Variants in ARSG observed in about 807,000 individuals in gnomAD.
ARSG encodes ASG.
Under a neutral mutation model 50.5 loss-of-function variants are expected in ARSG, and 37 were observed. The ratio of observed to expected loss-of-function variants is 0.73; its 90% confidence interval spans 0.56 to 0.96. The LOEUF is 0.96. Among genes scored for constraint, ARSG ranks in the 50% least tolerant of loss-of-function variants. ARSG has a pLI of 0.00. For synonymous variants in ARSG, 225 were observed against 254.6 expected, an observed-to-expected ratio of 0.88 and a Z score of 1.11; for missense variants, 629 against 675.3, an observed-to-expected ratio of 0.93 and a Z score of 0.76.
intron 8 of ARSG, among the ~76,000 whole-genome samples, chr17:68,373,669 C>A (rs1268852354): frequency 6.6e-6 from 1 of 152,138 alleles, no homozygotes; most frequent in Admixed American, 6.6e-5. Context: ...CTCCCACTAA[C>A]CTTTTCAGTG....
chr17:68,424,925 G>C (rs766499346), downstream of ARSG, among the ~76,000 whole-genome samples: 1 of 152,212 alleles, frequency 6.6e-6, no homozygotes, highest in Non-Finnish European at 1.5e-5. Flanking sequence ...ATGATTTCAG[G>C]TTGACTATCT....
At chr17:68,387,079 TCACACACACACACACACACA>T (rs72320984) in intron 9 of ARSG, among the ~76,000 whole-genome samples, 1 of 146,298 alleles carries the variant, frequency 6.8e-6, no homozygotes, top group Non-Finnish European at 1.5e-5. Context: ...ATATAGTGTA[TCACACACACACACACACACA>T]CACACACACA....
intron 4 of ARSG, 108 bp from the exon 5 acceptor site, chr17:68,351,467 C>T: frequency 1.5e-6 from 1 of 682,732 alleles, no homozygotes; most frequent in South Asian, 1.6e-5. Flanking sequence ...TACTCTATAG[C>T]ACTGCAGTAT....
chr17:68,423,853 G>T (rs1266603100), downstream of ARSG, among the ~76,000 whole-genome samples: 4 of 152,162 alleles, frequency 2.6e-5, no homozygotes, highest in Non-Finnish European at 5.9e-5. The surrounding 1 kb of genome is among the most constrained non-coding windows in gnomAD (Gnocchi z 4.4). Flanking sequence ...GTAACTATAA[G>T]AGGTTGCAAG....
chr17:68,329,510 C>A (rs2077638002), intron 2 of ARSG, among the ~76,000 whole-genome samples: 1 of 152,200 alleles, frequency 6.6e-6, no homozygotes, highest in South Asian at 2.1e-4. Flanking sequence ...GCTCTGGTGC[C>A]TCGAGTTGCC....
At chr17:68,272,677 G>A in intron 1 of ARSG, 1 of 1,614,176 alleles carries the variant, frequency 6.2e-7, no homozygotes, top group Non-Finnish European at 8.5e-7. Flanking sequence ...TTCTCCTGTG[G>A]AAGCAACTGC....
At chr17:68,427,813 T>G in the ARSG span, among the ~76,000 whole-genome samples, 1 of 152,174 alleles carries the variant, frequency 6.6e-6, no homozygotes, top group Non-Finnish European at 1.5e-5. Flanking sequence ...TGGGGGGCGG[T>G]GGCAGCTCTG....
At chr17:68,262,638 G>T (rs1326850897) in intron 1 of ARSG, among the ~76,000 whole-genome samples, 1 of 152,168 alleles carries the variant, frequency 6.6e-6, no homozygotes, top group South Asian at 2.1e-4. Flanking sequence ...GGTGGGGGTG[G>T]CGTGTTCCAA....
At position 68,361,944 on chromosome 17, in the gene ARSG, AAAC is replaced by A. The variant is rs775024626; in HGVS notation, c.704+5155_704+5157del. ...AACCATGACAACAACAAACAAACAAAAACAACAACAACAACAAAACCCAAAAAA... is the reference window on the plus strand; with the variant it reads ...AACCATGACAACAACAAACAAACAAAAACAACAACAACAAAACCCAAAAAA... On this transcript the variant is annotated intron_variant, in intron 6 of 11. Transcript: ENST00000621439. Among the ~76,000 whole-genome samples the A allele has an allele frequency of 1.3e-3, 201 of 152,230 alleles. 2 individuals carry two copies. In the East Asian group the frequency reaches 0.029, roughly 22 times the overall value.
At chr17:68,339,308 A>T (rs1163230467) in intron 2 of ARSG, among the ~76,000 whole-genome samples, 2 of 152,124 alleles carry the variant, frequency 1.3e-5, no homozygotes, top group African/African-American at 4.8e-5. Flanking sequence ...AAAAAGAGAA[A>T]AATAAATAAA....
chr17:68,421,843 G>A, downstream of ARSG: 3 of 1,614,076 alleles, frequency 1.9e-6, no homozygotes, highest in East Asian at 4.5e-5. Flanking sequence ...AAACAGAATG[G>A]CCTTACTCTT....
intron 2 of ARSG, among the ~76,000 whole-genome samples, chr17:68,309,872 T>A (rs926352786): frequency 2.7e-5 from 4 of 150,590 alleles, no homozygotes; most frequent in Admixed American, 6.6e-5. Context: ...AAAAAATAAA[T>A]AAAATAAAAA....
intron 11 of ARSG, among the ~76,000 whole-genome samples, chr17:68,419,556 G>A (rs2147586760): frequency 6.6e-6 from 1 of 152,252 alleles, no homozygotes; most frequent in East Asian, 1.9e-4. Context: ...CAGCCTGGGT[G>A]ACAGAGCGAG....
At chr17:68,323,073 T>G (rs2077358952) in intron 2 of ARSG, among the ~76,000 whole-genome samples, 1 of 152,008 alleles carries the variant, frequency 6.6e-6, no homozygotes, top group Non-Finnish European at 1.5e-5. Context: ...ATCATCCTAA[T>G]TATTGGAAGA....
chr17:68,359,120 G>A (rs905976705), intron 6 of ARSG, among the ~76,000 whole-genome samples: 6 of 151,964 alleles, frequency 3.9e-5, no homozygotes, highest in Non-Finnish European at 8.8e-5. Context: ...CCGAGATCAG[G>A]CCACTGCACT....
intron 4 of ARSG, among the ~76,000 whole-genome samples, chr17:68,349,399 C>T (rs2078654319): frequency 6.6e-6 from 1 of 152,204 alleles, no homozygotes; most frequent in Non-Finnish European, 1.5e-5. Flanking sequence ...GTGGCCTTAA[C>T]AGAGATCATC....
chr17:68,383,636 C>G (rs937286867), intron 8 of ARSG, among the ~76,000 whole-genome samples: 1 of 152,234 alleles, frequency 6.6e-6, no homozygotes, highest in Non-Finnish European at 1.5e-5. Context: ...CCCTTTGGCC[C>G]TAAGCTGACG....
chr17:68,356,838 C>G (rs775287201), intron 6 of ARSG, 34 bp downstream of exon 6: 1 of 1,613,264 alleles, frequency 6.2e-7, no homozygotes, highest in Non-Finnish European at 8.5e-7. Context: ...AGGGCCTCCC[C>G]CTGCCTCCAC....
chr17:68,339,143 G>C (rs1038811317), intron 2 of ARSG, among the ~76,000 whole-genome samples: 6 of 151,734 alleles, frequency 4.0e-5, no homozygotes, highest in Non-Finnish European at 5.9e-5. Context: ...CCACTTTGTA[G>C]CCGGGCGTGG....
Sources: gnomAD v4.1 joint callset for allele counts (sites outside exome capture counted in the v4.1 genomes callset) on GRCh38, gnomAD v4.1.1 for gene constraint, Gnocchi (gnomAD v3.1) non-coding constraint, MANE v1.5 for transcripts, NCBI Gene and HGNC (gene_info 2026-07-23, HGNC 2026-07-21) for gene names.